Variants in PCED1B observed in about 807,000 individuals in gnomAD.
The protein encoded by PCED1B is PC-esterase domain-containing protein 1B.
For synonymous variants in PCED1B, 251 were observed against 246.1 expected (o/e 1.02, Z -0.19); for missense variants, 573 against 573.9 (o/e 1.00, Z 0.02).
At chr12:47,107,230 A>T (rs13377609) in intron 2 of PCED1B, among the ~76,000 whole-genome samples, 7,469 of 152,124 alleles carry the variant, frequency 0.049, 310 homozygotes, top group South Asian at 0.1. Context: ...GGGGCCAAAC[A>T]CCGTAAGCCT....
chr12:47,140,102 T>C (rs1940537882), intron 2 of PCED1B, among the ~76,000 whole-genome samples: 1 of 152,188 alleles, frequency 6.6e-6, no homozygotes, highest in Non-Finnish European at 1.5e-5. Context: ...CTGAACAAGC[T>C]TCTCCAGGAT....
At chr12:47,177,748 G>A (rs565370848) in intron 2 of PCED1B, among the ~76,000 whole-genome samples, 5 of 152,290 alleles carry the variant, frequency 3.3e-5, no homozygotes, top group East Asian at 1.9e-4. Flanking sequence ...GAAGTCAGGA[G>A]TTTGAGACAA....
chr12:47,081,658 A>T (rs547003302), intron 1 of PCED1B, among the ~76,000 whole-genome samples: 5 of 152,320 alleles, frequency 3.3e-5, no homozygotes, highest in African/African-American at 1.2e-4. Flanking sequence ...GGTCTCCAGG[A>T]CTTCAATTTT....
chr12:47,135,756 C>A, intron 2 of PCED1B: 1 of 530,966 alleles, frequency 1.9e-6, no homozygotes. Context: ...GGTCTCACTG[C>A]AGATGTGGAT....
chr12:47,150,133 G>A (rs1940935981), intron 2 of PCED1B, among the ~76,000 whole-genome samples: 1 of 152,054 alleles, frequency 6.6e-6, no homozygotes, highest in African/African-American at 2.4e-5. Context: ...TTTTAACAAA[G>A]TTGGAGGGGA....
At position 47,174,161 on chromosome 12, in the gene PCED1B, C is replaced by G. The variant is rs201426584; in HGVS notation, c.-525-42061C>G. Among the ~76,000 whole-genome samples the G allele has an allele frequency of 2.6e-5, 4 of 152,174 alleles. No homozygotes were observed. In the East Asian group the frequency reaches 7.7e-4, roughly 29 times the overall value. On this transcript the variant is annotated intron_variant, in intron 2 of 3. Coordinates refer to ENST00000546455, the MANE Select transcript of PCED1B (RefSeq NM_138371.3). ...AGGTGGCTCACGCCTGTAATCCCAG[C>G]ACTTTGGAAGTCGGAGGAGGGTGGA...
intron 2 of PCED1B, among the ~76,000 whole-genome samples, chr12:47,112,628 G>T (rs774752466): frequency 2.0e-5 from 3 of 152,148 alleles, no homozygotes; most frequent in Non-Finnish European, 4.4e-5. Context: ...AGTGTTTGTC[G>T]TAAAAAGCTA....
At chr12:47,225,079 G>A (rs544865683) in intron 3 of PCED1B, among the ~76,000 whole-genome samples, 3 of 152,150 alleles carry the variant, frequency 2.0e-5, no homozygotes, top group South Asian at 2.1e-4. Context: ...TTACAGGCAC[G>A]TGCCACCATG....
chr12:47,115,070 G>A (rs1880601), intron 2 of PCED1B, among the ~76,000 whole-genome samples: 71,063 of 151,974 alleles, frequency 0.47, 18,424 homozygotes, highest in African/African-American at 0.71. Context: ...TTATCTAAGT[G>A]TATAAAAAGG....
chr12:47,158,357 C>T (rs771667022), intron 2 of PCED1B, among the ~76,000 whole-genome samples: 2 of 152,116 alleles, frequency 1.3e-5, no homozygotes, highest in Non-Finnish European at 1.5e-5. Flanking sequence ...CTAATGGGTG[C>T]GAGGTGGTCT....
chr12:47,225,979 G>A (rs1241972743), intron 3 of PCED1B, among the ~76,000 whole-genome samples: 8 of 152,170 alleles, frequency 5.3e-5, no homozygotes. Flanking sequence ...TAAAGCAATA[G>A]TCAATGAGTT....
intron 2 of PCED1B, among the ~76,000 whole-genome samples, chr12:47,183,659 T>C (rs1942164690): frequency 6.6e-6 from 1 of 152,210 alleles, no homozygotes; most frequent in Non-Finnish European, 1.5e-5. Context: ...GTAGACTGTT[T>C]AAAACTCACA....
At chr12:47,133,497 A>C (rs1210228182) in intron 2 of PCED1B, among the ~76,000 whole-genome samples, 2 of 152,180 alleles carry the variant, frequency 1.3e-5, no homozygotes, top group African/African-American at 4.8e-5. Flanking sequence ...TGGGGGGTAC[A>C]TCATGCCCGT....
intron 2 of PCED1B, among the ~76,000 whole-genome samples, chr12:47,158,661 G>T (rs2137490503): frequency 6.6e-6 from 1 of 152,048 alleles, no homozygotes; most frequent in South Asian, 2.1e-4. Context: ...AGACAATATT[G>T]GTACATATTT....
At chr12:47,095,861 C>G (rs1338815449) in intron 1 of PCED1B, among the ~76,000 whole-genome samples, 1 of 130,836 alleles carries the variant, frequency 7.6e-6, no homozygotes, top group Non-Finnish European at 1.7e-5. Context: ...AATTCCTTTT[C>G]TGGTAACTCC....
intron 2 of PCED1B, among the ~76,000 whole-genome samples, chr12:47,120,918 A>G (rs1565759785): frequency 6.6e-6 from 1 of 152,188 alleles, no homozygotes; most frequent in Non-Finnish European, 1.5e-5. Context: ...ATATGATTCA[A>G]TTTATGTGAA....
Position 47,227,680 on chromosome 12 carries a change from C to T in PCED1B, c.-57-7327C>T, listed in dbSNP as rs547545937. Among the ~76,000 whole-genome samples, 3 of 151,866 alleles carry T rather than the reference C, an allele frequency of 2.0e-5. No individual in the cohort carries two copies. In the East Asian group the frequency reaches 6.0e-4, roughly 30 times the overall value. On this transcript the variant is annotated intron_variant, in intron 3 of 3. Transcript: ENST00000546455. ...ACCAGCCTGGCCAACATGGTGAAACCCCGTCTCTACTAAAAATACAAAAAT... is the reference window on the plus strand; with the variant it reads ...ACCAGCCTGGCCAACATGGTGAAACTCCGTCTCTACTAAAAATACAAAAAT...
chr12:47,122,781 G>A (rs940224020), intron 2 of PCED1B, among the ~76,000 whole-genome samples: 1 of 152,184 alleles, frequency 6.6e-6, no homozygotes, highest in South Asian at 2.1e-4. Context: ...CATGTGCAGA[G>A]CTTGGCTGTA....
intron 2 of PCED1B, among the ~76,000 whole-genome samples, chr12:47,113,217 G>C (rs1939275416): frequency 6.6e-6 from 1 of 152,186 alleles, no homozygotes; most frequent in Non-Finnish European, 1.5e-5. Context: ...TACTGTACAA[G>C]TGAGGACATA....
Sources: gnomAD v4.1 joint callset for allele counts (sites outside exome capture counted in the v4.1 genomes callset) on GRCh38, gnomAD v4.1.1 for gene constraint, MANE v1.5 for transcripts, NCBI Gene and HGNC (gene_info 2026-07-23, HGNC 2026-07-21) for gene names.